The following ZNF503 variants were observed in gnomAD, a reference collection of about 807,000 sequenced individuals.
ZNF503 encodes the protein zinc finger protein 503.
A neutral mutation model predicts 34.4 loss-of-function variants in ZNF503; 15 were observed. The ratio of observed to expected loss-of-function variants is 0.44; its 90% CI spans 0.29 to 0.67. ZNF503 has a LOEUF of 0.67. Among genes scored for constraint, ZNF503 ranks in the 30% least tolerant of loss-of-function variants. The pLI, the probability that ZNF503 is intolerant of heterozygous loss-of-function variation, is 0.13. For missense variants in ZNF503, 1,007 were observed against 926.8 expected (o/e 1.09, Z -1.12); for synonymous variants, 580 against 456.8 (o/e 1.27, Z -3.44).
the ZNF503 span, among the ~76,000 whole-genome samples, chr10:75,367,354 A>G: frequency 3.9e-5 from 6 of 152,168 alleles, no homozygotes; most frequent in Admixed American, 3.9e-4. Flanking sequence ...GTCACTTGAA[A>G]TTAATTGCAA....
chr10:75,296,364 T>C, the ZNF503 span: 1 of 152,420 alleles, frequency 6.6e-6, no homozygotes, highest in African/African-American at 2.4e-5. Flanking sequence ...TTCTGAGCCA[T>C]TGGCCCCTTT....
the ZNF503 span, among the ~76,000 whole-genome samples, chr10:75,384,583 C>T: frequency 6.6e-6 from 1 of 152,146 alleles, no homozygotes; most frequent in Non-Finnish European, 1.5e-5. Context: ...CATCCTCACT[C>T]CTAGCCCCTA....
the ZNF503 span, among the ~76,000 whole-genome samples, chr10:75,331,010 G>T: frequency 6.6e-6 from 1 of 151,954 alleles, no homozygotes; most frequent in Admixed American, 6.5e-5. Flanking sequence ...CACTGCTTTT[G>T]CTGTATCCTA....
At chr10:75,329,641 A>ATT in the ZNF503 span, among the ~76,000 whole-genome samples, 6 of 150,856 alleles carry the variant, frequency 4.0e-5, no homozygotes, top group African/African-American at 1.5e-4. Flanking sequence ...AATTTAAACC[A>ATT]TTTTTTTTGT....
At chr10:75,393,897 G>A (rs1843670131), downstream of ZNF503, among the ~76,000 whole-genome samples, 1 of 151,998 alleles carries the variant, frequency 6.6e-6, no homozygotes, top group Non-Finnish European at 1.5e-5. Flanking sequence ...AAAGAAAAAA[G>A]AAAATCCCCA....
chr10:75,341,352 T>C, the ZNF503 span, among the ~76,000 whole-genome samples: 1 of 152,226 alleles, frequency 6.6e-6, no homozygotes, highest in African/African-American at 2.4e-5. Flanking sequence ...AAAAATAGTA[T>C]GCACCCATAG....
At chr10:75,396,091 C>G (rs933663691), downstream of ZNF503, among the ~76,000 whole-genome samples, 2 of 152,024 alleles carry the variant, frequency 1.3e-5, no homozygotes, top group Admixed American at 6.5e-5. This position sits in a 1 kb window ranked among gnomAD's most constrained non-coding sequence, Gnocchi z 4.4. Context: ...CTGCGGGCAC[C>G]GGAGCGTGGG....
chr10:75,399,058 T>C lies in ZNF503; in HGVS notation c.1632A>G (p.Ala544=). The C allele has an allele frequency of 1.2e-6, 2 of 1,613,156 alleles. No individual in the cohort carries two copies. Among genetic ancestry groups the C allele is most frequent in the Non-Finnish European group, 1.7e-6 (2 of 1,179,818 alleles). Residue 544 remains alanine (A), a synonymous_variant, in exon 2 of 2, where the codon GCA becomes GCG. Transcript: ENST00000372524. ...ELLSHLRTHT[A]FPGTDKLLSG... Reference sequence around the variant, plus strand: ...ACAGCAGTTTGTCTGTCCCGGGAAATGCCGTATGGGTCCGCAAGTGGCTCA... The same window carrying C: ...ACAGCAGTTTGTCTGTCCCGGGAAACGCCGTATGGGTCCGCAAGTGGCTCA...
the ZNF503 span, among the ~76,000 whole-genome samples, chr10:75,389,473 T>C: frequency 2.0e-5 from 3 of 152,216 alleles, no homozygotes; most frequent in Non-Finnish European, 2.9e-5. Flanking sequence ...CTCATGTCTG[T>C]AATCCTAGCA....
downstream of ZNF503, among the ~76,000 whole-genome samples, chr10:75,394,059 T>C (rs1843671523): frequency 6.6e-6 from 1 of 152,200 alleles, no homozygotes; most frequent in Non-Finnish European, 1.5e-5. Flanking sequence ...AAGGTGAGAA[T>C]CCCTGCTTAT....
the ZNF503 span, among the ~76,000 whole-genome samples, chr10:75,300,673 G>A: frequency 2.7e-5 from 4 of 149,296 alleles, no homozygotes; most frequent in Admixed American, 6.7e-5. Context: ...CTGACTTCCC[G>A]CAACATCTAA....
At chr10:75,309,123 T>C in the ZNF503 span, among the ~76,000 whole-genome samples, 1 of 152,186 alleles carries the variant, frequency 6.6e-6, no homozygotes, top group Admixed American at 6.5e-5. Context: ...ATTACAGGCA[T>C]GAGCCACCAT....
the ZNF503 span, among the ~76,000 whole-genome samples, chr10:75,359,611 C>T: frequency 3.9e-5 from 6 of 152,198 alleles, no homozygotes; most frequent in African/African-American, 1.4e-4. Context: ...CACATCTTCA[C>T]TAAATCTATG....
the ZNF503 span, among the ~76,000 whole-genome samples, chr10:75,344,258 C>T: frequency 0.3 from 45,182 of 152,136 alleles, 7,407 homozygotes; most frequent in South Asian, 0.4. Context: ...GGCCGTGTGG[C>T]GTGGCAGTTG....
Position 75,398,839 on chromosome 10 carries a change from C to A in ZNF503, c.1851G>T (p.Val617=). ...ACGGTCCGGTGGCGGCGGGCACCGG[C>A]ACGGGGGCGCCAGGCGTGGGAAGCG... ...KSPLPTPGAP[V]PVPAATGPYY... Residue 617 remains valine, a synonymous_variant, in exon 2 of 2, where the codon GTG becomes GTT. Coordinates refer to ENST00000372524, the MANE Select transcript of ZNF503 (RefSeq NM_032772.6). 2 of 1,501,976 alleles carry A rather than the reference C, an allele frequency of 1.3e-6. No individual in the cohort carries two copies. The highest frequency in any genetic ancestry group is 8.8e-7 in the Non-Finnish European group (1 of 1,131,514). The allele number at this position is 1,501,976 out of a possible 1,614,324, so 93.0% of individuals were successfully genotyped here.
chr10:75,291,374 G>A, the ZNF503 span, among the ~76,000 whole-genome samples: 1 of 152,186 alleles, frequency 6.6e-6, no homozygotes, highest in Admixed American at 6.5e-5. Context: ...CAGTTTGGGA[G>A]GCTGAGGCAG....
chr10:75,399,732 C>CGGAGCT lies in ZNF503; in HGVS notation c.952_957dup (p.Ser318_Ser319dup), dbSNP rs777771412. The CGGAGCT allele has an allele frequency of 1.9e-6, 3 of 1,595,474 alleles. No homozygotes were observed. The highest frequency in any genetic ancestry group is 2.6e-6 in the Non-Finnish European group (3 of 1,176,088). On this transcript the variant is annotated inframe_insertion, in exon 2 of 2. Coordinates refer to ENST00000372524, the MANE Select transcript of ZNF503 (RefSeq NM_032772.6). The stretch of plus-strand genomic sequence containing the variant: ...GAGGTGGGCGCGCTGGGGCCGGAGC[C>CGGAGCT]GGAGCTGGAGCCCGATGAACCGCCG...
chr10:75,368,307 T>C, the ZNF503 span, among the ~76,000 whole-genome samples: 5 of 152,046 alleles, frequency 3.3e-5, no homozygotes, highest in Non-Finnish European at 1.5e-5. Context: ...GTTTAAAAAA[T>C]AAGCAGATTT....
At chr10:75,332,486 TA>T in the ZNF503 span, among the ~76,000 whole-genome samples, 3 of 150,570 alleles carry the variant, frequency 2.0e-5, no homozygotes, top group Non-Finnish European at 4.4e-5. Context: ...TTTTTTAATT[TA>T]TTTTTTTATT....
Sources: allele counts gnomAD v4.1 joint callset (sites outside exome capture counted in the v4.1 genomes callset), GRCh38; gene constraint gnomAD v4.1.1; non-coding constraint Gnocchi (gnomAD v3.1); transcripts MANE v1.5; gene names NCBI Gene and HGNC (gene_info 2026-07-23, HGNC 2026-07-21).